The following NLGN4X variants were observed in gnomAD, a reference collection of about 807,000 sequenced individuals.
The protein encoded by NLGN4X is neuroligin-4, X-linked.
In NLGN4X, 3 loss-of-function variants were observed where a neutral mutation model predicts 40.3. That is an observed-to-expected ratio of 0.07 (90% CI 0.03 to 0.19). NLGN4X has a LOEUF of 0.19. Ranked by LOEUF, NLGN4X falls within the 10% of genes least tolerant of loss-of-function variation. NLGN4X has a pLI of 1.00. For missense variants in NLGN4X, 382 were observed against 708.3 expected (o/e 0.54, Z 5.23); for synonymous variants, 270 against 306.8 (o/e 0.88, Z 1.25).
At chrX:6,095,129 G>A (rs1351138023) in intron 2 of NLGN4X, among the ~76,000 whole-genome samples, 1 of 106,399 alleles carries the variant, frequency 9.4e-6, no homozygotes, top group Non-Finnish European at 1.9e-5. Flanking sequence ...GTGTGTGTGT[G>A]TGTGTGTGTG....
intron 3 of NLGN4X, among the ~76,000 whole-genome samples, chrX:5,920,533 C>G (rs1293790668): frequency 8.9e-6 from 1 of 111,861 alleles, no homozygotes; most frequent in African/African-American, 3.2e-5. Flanking sequence ...CATTCAACAT[C>G]TTCTGGACAC....
intron 1 of NLGN4X, among the ~76,000 whole-genome samples, chrX:6,221,220 A>G (rs1460549629): frequency 3.8e-5 from 4 of 106,050 alleles, no homozygotes; most frequent in Non-Finnish European, 7.7e-5. Flanking sequence ...CTGGAACCAC[A>G]GGTACTTGCC....
Position 6,043,160 on chromosome X carries a change from A to ACACAC in NLGN4X, c.473-13729_473-13728insGTGTG, listed in dbSNP as rs33946128. On this transcript the variant is annotated intron_variant, in intron 2 of 5. Transcript: ENST00000381095. ...ACACACACACACACACACACACACA[A>ACACAC]ACACACGTATATATATTAACCTCTA... Among the ~76,000 whole-genome samples the ACACAC allele has an allele frequency of 4.3e-3, 435 of 100,859 alleles. 5 individuals carry two copies. Among genetic ancestry groups the ACACAC allele is most frequent in the East Asian group, 0.011 (35 of 3,100 alleles). 87.6% of individuals were successfully genotyped at this position (100,859 alleles called of 115,157 possible).
chrX:6,083,926 G>A (rs1056489726), intron 2 of NLGN4X, among the ~76,000 whole-genome samples: 21 of 111,876 alleles, frequency 1.9e-4, no homozygotes, highest in African/African-American at 6.8e-4. Flanking sequence ...ATAAAGACTT[G>A]AGAATCATCC....
chrX:5,920,260 G>C (rs981128253), intron 3 of NLGN4X, among the ~76,000 whole-genome samples: 1 of 112,434 alleles, frequency 8.9e-6, no homozygotes, highest in African/African-American at 3.2e-5. Context: ...AAGGAAATGT[G>C]AAAGAACGTT....
chrX:6,106,572 AT>A (rs2039037320), intron 2 of NLGN4X, among the ~76,000 whole-genome samples: 1 of 111,510 alleles, frequency 9.0e-6, no homozygotes, highest in South Asian at 3.8e-4. Context: ...ACAATGATGG[AT>A]TTTTTATTGT....
chrX:5,986,928 T>C (rs1351602704), intron 3 of NLGN4X, among the ~76,000 whole-genome samples: 2 of 112,336 alleles, frequency 1.8e-5, no homozygotes, highest in South Asian at 3.7e-4. Context: ...TTCATCCTTA[T>C]ATAAACTATA....
rs963146593 is a variant in NLGN4X at position 5,957,191 on chromosome X, T to G, written c.626-47952A>C. 7.1e-5 allele frequency among the ~76,000 whole-genome samples: 8 copies of G among 112,030 alleles called. No individual in the cohort carries two copies. The East Asian group carries it at 2.3e-3, about 32-fold the overall frequency. On this transcript the variant is annotated intron_variant, in intron 3 of 5. Coordinates refer to ENST00000381095, the MANE Select transcript of NLGN4X (RefSeq NM_181332.3). The stretch of plus-strand genomic sequence containing the variant: ...AGTTACTGATAGATATTTAATACCC[T>G]CCAGAATAACCTGCATTACGTGCAA...
chrX:6,010,513 T>TTTTTTATTATTATTATTATTA (rs375723769), intron 3 of NLGN4X, among the ~76,000 whole-genome samples: 36 of 95,387 alleles, frequency 3.8e-4, no homozygotes, highest in South Asian at 5.2e-4. Context: ...TTCTTTTTAT[T>TTTTTTATTATTATTATTATTA]TTATTATTAT....
intron 2 of NLGN4X, among the ~76,000 whole-genome samples, chrX:6,068,475 C>T (rs2037980090): frequency 9.0e-6 from 1 of 111,513 alleles, no homozygotes; most frequent in African/African-American, 3.3e-5. Flanking sequence ...CTGACGTTCC[C>T]TCCACTCCAG....
chrX:5,899,705 T>A (rs1393402500), intron 5 of NLGN4X, among the ~76,000 whole-genome samples: 5 of 101,733 alleles, frequency 4.9e-5, no homozygotes, highest in East Asian at 3.2e-4. Context: ...TTTTTTTTTT[T>A]ATTTTTTTTT....
At chrX:6,194,370 G>A (rs1022352586) in intron 1 of NLGN4X, among the ~76,000 whole-genome samples, 2 of 111,279 alleles carry the variant, frequency 1.8e-5, no homozygotes, top group African/African-American at 6.5e-5. Context: ...TATAGGATGC[G>A]TCTCATGCGA....
At chrX:6,106,340 T>C (rs956154919) in intron 2 of NLGN4X, among the ~76,000 whole-genome samples, 5 of 111,791 alleles carry the variant, frequency 4.5e-5, no homozygotes, top group African/African-American at 1.6e-4. Context: ...GCACCCCATT[T>C]ACAGAGTGGT....
At chrX:5,981,359 A>G (rs1270861941) in intron 3 of NLGN4X, among the ~76,000 whole-genome samples, 1 of 109,659 alleles carries the variant, frequency 9.1e-6, no homozygotes, top group Non-Finnish European at 1.9e-5. Context: ...TTCAATGGAA[A>G]TTTGATAAAG....
At chrX:5,942,172 C>T (rs777931355) in intron 3 of NLGN4X, among the ~76,000 whole-genome samples, 47 of 110,529 alleles carry the variant, frequency 4.3e-4, no homozygotes, top group African/African-American at 1.4e-3. Context: ...GGGAGGATCA[C>T]GTGAGCCTGG....
Position 6,143,162 on chromosome X carries a change from C to T in NLGN4X, c.472+7833G>A, listed in dbSNP as rs181524816. The stretch of plus-strand genomic sequence containing the variant: ...GTGCTTGTACGTGCTGGCTACTAAG[C>T]ACTTTATATGGATTAAAACCTTAAA... On this transcript the variant is annotated intron_variant, in intron 2 of 5. Coordinates refer to ENST00000381095, the MANE Select transcript of NLGN4X (RefSeq NM_181332.3). Among the ~76,000 whole-genome samples, 204 of 112,289 alleles carry T rather than the reference C, an allele frequency of 1.8e-3. 1 individual carries two copies. Among genetic ancestry groups the T allele is most frequent in the Non-Finnish European group, 1.4e-3 (77 of 53,311 alleles).
intron 3 of NLGN4X, among the ~76,000 whole-genome samples, chrX:5,984,994 C>A (rs775058401): frequency 8.1e-5 from 9 of 111,567 alleles, no homozygotes; most frequent in African/African-American, 2.6e-4. Context: ...ATAAGATAAG[C>A]AATCATATCT....
At chrX:6,140,153 T>C (rs992487567) in intron 2 of NLGN4X, among the ~76,000 whole-genome samples, 15 of 111,612 alleles carry the variant, frequency 1.3e-4, no homozygotes, top group Non-Finnish European at 2.8e-4. Context: ...TCATATCTTG[T>C]TGAAACCCAC....
chrX:6,050,776 C>CTATCTATCT (rs369028719), intron 2 of NLGN4X, among the ~76,000 whole-genome samples: 13 of 103,400 alleles, frequency 1.3e-4, no homozygotes, highest in African/African-American at 2.5e-4. Flanking sequence ...TCTGTCTGTC[C>CTATCTATCT]ATCTATCTAT....
Sources: allele counts gnomAD v4.1 joint callset (sites outside exome capture counted in the v4.1 genomes callset), GRCh38; gene constraint gnomAD v4.1.1; transcripts MANE v1.5; gene names NCBI Gene and HGNC (gene_info 2026-07-23, HGNC 2026-07-21).